KHDRBS2: variants seen among roughly 807,000 people sequenced by gnomAD.
KHDRBS2 encodes the protein KH domain-containing, RNA-binding, signal transduction-associated protein 2.
Under a neutral mutation model 44.3 loss-of-function variants are expected in KHDRBS2, and 26 were observed. The ratio of observed to expected loss-of-function variants is 0.59; its 90% CI spans 0.43 to 0.81. KHDRBS2 has a LOEUF of 0.81. KHDRBS2 is among the 40% of genes least tolerant of loss of function. KHDRBS2 has a pLI of 0.00. For missense variants in KHDRBS2, 476 were observed against 433.1 expected (o/e 1.10, Z -0.88); for synonymous variants, 194 against 151.1 (o/e 1.28, Z -2.08).
At chr6:61,621,999 T>C in the KHDRBS2 span, among the ~76,000 whole-genome samples, 1 of 152,190 alleles carries the variant, frequency 6.6e-6, no homozygotes, top group African/African-American at 2.4e-5. Context: ...CATCACAGCC[T>C]GAATGAGCTT....
chr6:62,219,234 G>T (rs903250038), intron 1 of KHDRBS2, among the ~76,000 whole-genome samples: 15 of 147,102 alleles, frequency 1.0e-4, no homozygotes, highest in African/African-American at 3.7e-4. Flanking sequence ...TGGAGATTTT[G>T]TAGAAGGAAG....
intron 4 of KHDRBS2, among the ~76,000 whole-genome samples, chr6:61,970,470 C>T (rs1192443): frequency 0.72 from 108,999 of 151,910 alleles, 39,176 homozygotes; most frequent in African/African-American, 0.76. Flanking sequence ...TCATTCAAAA[C>T]GACCAAGTTA....
chr6:61,848,477 ATATATATATATATG>A lies in KHDRBS2; in HGVS notation c.810+46144_810+46157del, dbSNP rs1185173461. Among the ~76,000 whole-genome samples the A allele has an allele frequency of 3.9e-3, 200 of 51,932 alleles. 7 individuals carry two copies. Among genetic ancestry groups the A allele is most frequent in the African/African-American group, 0.023 (191 of 8,178 alleles). 34.1% of individuals were successfully genotyped at this position (51,932 alleles called of 152,430 possible). On this transcript the variant is annotated intron_variant, in intron 6 of 8. Coordinates refer to ENST00000281156, the MANE Select transcript of KHDRBS2 (RefSeq NM_152688.4). ...TGAGAGAAATGGAGGTTTTATATAT[ATATATATATATATG>A]TATATATATATATATATATGTATAT... is the stretch of plus-strand genomic sequence containing the variant.
the KHDRBS2 span, among the ~76,000 whole-genome samples, chr6:61,648,401 C>T: frequency 8.5e-3 from 1,299 of 152,130 alleles, 21 homozygotes; most frequent in African/African-American, 0.029. Flanking sequence ...GAAAAGTATC[C>T]TAACCTTCCC....
chr6:61,675,387 A>G (rs935082979), downstream of KHDRBS2, among the ~76,000 whole-genome samples: 2 of 151,770 alleles, frequency 1.3e-5, no homozygotes, highest in African/African-American at 4.8e-5. Flanking sequence ...CTAAATGGTC[A>G]CAGTTCTATT....
chr6:61,734,916 T>C (rs983971287), intron 6 of KHDRBS2, among the ~76,000 whole-genome samples: 9 of 152,222 alleles, frequency 5.9e-5, no homozygotes, highest in South Asian at 2.1e-4. Context: ...CTGGTCCACA[T>C]TGATGAATTT....
chr6:61,716,171 A>C (rs1398409825), intron 7 of KHDRBS2, among the ~76,000 whole-genome samples: 2 of 151,898 alleles, frequency 1.3e-5, no homozygotes, highest in Non-Finnish European at 2.9e-5. Flanking sequence ...CTGCCATGCT[A>C]TGAGGAAGCC....
intron 8 of KHDRBS2, among the ~76,000 whole-genome samples, chr6:61,682,790 A>T (rs1766442590): frequency 6.6e-6 from 1 of 151,868 alleles, no homozygotes; most frequent in South Asian, 2.1e-4. Context: ...GACTTTATCA[A>T]CATAAAAATG....
intron 1 of KHDRBS2, among the ~76,000 whole-genome samples, chr6:62,180,626 C>T (rs550527191): frequency 1.3e-5 from 2 of 151,608 alleles, no homozygotes; most frequent in South Asian, 4.2e-4. Context: ...ACCCCAATAA[C>T]CTAAAGATTC....
intron 2 of KHDRBS2, among the ~76,000 whole-genome samples, chr6:62,171,787 G>A (rs988111309): frequency 2.0e-5 from 3 of 152,110 alleles, no homozygotes; most frequent in Admixed American, 6.6e-5. Flanking sequence ...CACTCCTAAA[G>A]AAAATAAACT....
chr6:62,073,530 C>CTTTTTTTTTTTTTTTTTTTTTTTTTTTTT (rs60124030), intron 2 of KHDRBS2, among the ~76,000 whole-genome samples: 1 of 124,416 alleles, frequency 8.0e-6, no homozygotes, highest in African/African-American at 3.0e-5. Context: ...TTTCTTTTTT[C>CTTTTTTTTTTTTTTTTTTTTTTTTTTTTT]TTTTTTTTTT....
intron 2 of KHDRBS2, among the ~76,000 whole-genome samples, chr6:62,175,555 G>A (rs209015): frequency 0.78 from 116,614 of 150,418 alleles, 45,176 homozygotes; most frequent in African/African-American, 0.85. Flanking sequence ...TGCCTCATCT[G>A]TAAAATAAAA....
chr6:61,671,670 A>G, the KHDRBS2 span, among the ~76,000 whole-genome samples: 5 of 151,724 alleles, frequency 3.3e-5, no homozygotes, highest in African/African-American at 1.2e-4. Flanking sequence ...TTAATTGGAA[A>G]CTAGAATTTA....
intron 6 of KHDRBS2, among the ~76,000 whole-genome samples, chr6:61,809,483 A>C (rs959359951): frequency 6.6e-5 from 10 of 152,170 alleles, no homozygotes; most frequent in Admixed American, 3.3e-4. Flanking sequence ...AGCTGTTATC[A>C]GAACAGGTCT....
chr6:62,182,880 T>C (rs1484425270), intron 1 of KHDRBS2, among the ~76,000 whole-genome samples: 1 of 151,898 alleles, frequency 6.6e-6, no homozygotes, highest in Admixed American at 6.6e-5. Context: ...GATTATTTAA[T>C]ACTCTTTCTG....
At chr6:61,730,910 C>A (rs1296011105) in intron 7 of KHDRBS2, among the ~76,000 whole-genome samples, 2 of 151,768 alleles carry the variant, frequency 1.3e-5, no homozygotes, top group Non-Finnish European at 2.9e-5. Context: ...TATTTTTCTT[C>A]TTGTTTCTTA....
chr6:61,819,501 T>G (rs1411751746), intron 6 of KHDRBS2, among the ~76,000 whole-genome samples: 1 of 151,982 alleles, frequency 6.6e-6, no homozygotes, highest in Non-Finnish European at 1.5e-5. Flanking sequence ...TACAGATATA[T>G]CTATAAACAA....
At position 61,812,656 on chromosome 6, in the gene KHDRBS2, A is replaced by G. The variant is rs140145763; in HGVS notation, c.811-79892T>C. 4.2e-3 allele frequency among the ~76,000 whole-genome samples: 640 copies of G among 152,246 alleles called. 8 individuals are homozygous for G. The highest frequency in any genetic ancestry group is 0.015 in the African/African-American group (615 of 41,562). ...CTGTAACATCAGAAAGATTCATAAT[A>G]CATTTCACATAGTCAACTTTGGCAA... On this transcript the variant is annotated intron_variant, in intron 6 of 8. Coordinates refer to ENST00000281156, the MANE Select transcript of KHDRBS2 (RefSeq NM_152688.4).
At chr6:62,105,204 A>C (rs1194073615) in intron 2 of KHDRBS2, among the ~76,000 whole-genome samples, 3 of 152,180 alleles carry the variant, frequency 2.0e-5, no homozygotes, top group Non-Finnish European at 2.9e-5. Flanking sequence ...CTTAAAATAG[A>C]AGTAATGCTA....
Sources: gnomAD v4.1 joint callset for allele counts (sites outside exome capture counted in the v4.1 genomes callset) on GRCh38, gnomAD v4.1.1 for gene constraint, MANE v1.5 for transcripts, NCBI Gene and HGNC (gene_info 2026-07-23, HGNC 2026-07-21) for gene names.